TESPA1: variants seen among roughly 807,000 people sequenced by gnomAD.
TESPA1 encodes the protein thymocyte expressed, positive selection associated 1.
TESPA1 carries 33 observed loss-of-function variants against 57.9 expected under a neutral mutation model. That is an observed-to-expected ratio of 0.57 (90% CI 0.43 to 0.76). The LOEUF (loss-of-function observed/expected upper bound fraction) is 0.76, where lower values mean the gene tolerates loss of function less well. TESPA1 is among the 30% of genes least tolerant of loss of function. The pLI, the probability that TESPA1 is intolerant of heterozygous loss-of-function variation, is 0.00. For synonymous variants in TESPA1, 227 were observed against 228.9 expected (o/e 0.99, Z 0.07); for missense variants, 618 against 632.9 (o/e 0.98, Z 0.25).
intron 1 of TESPA1, among the ~76,000 whole-genome samples, chr12:54,983,396 C>T (rs556613051): frequency 3.0e-4 from 46 of 152,246 alleles, no homozygotes; most frequent in South Asian, 1.2e-3. Context: ...CCTGACTTCC[C>T]TTCTTCCTAC....
At chr12:54,975,259 A>C (rs1952084607) in intron 1 of TESPA1, among the ~76,000 whole-genome samples, 1 of 152,144 alleles carries the variant, frequency 6.6e-6, no homozygotes. Flanking sequence ...GCCTTAAGCA[A>C]TTAGCAGCCA....
At chr12:54,962,284 A>T in intron 9 of TESPA1, 147 bp downstream of exon 9, 1 of 993,018 alleles carries the variant, frequency 1.0e-6, no homozygotes, top group Non-Finnish European at 1.5e-6. Context: ...CTGTATATTA[A>T]CCCTGAATTG....
At chr12:54,950,470 C>T in intron 10 of TESPA1, 80 bp from the exon 11 acceptor site, 1 of 375,822 alleles carries the variant, frequency 2.7e-6, no homozygotes, top group East Asian at 7.3e-5. Flanking sequence ...AACTTTCATA[C>T]CTCAGCTGTG....
chr12:54,969,788 A>G (rs1016181751), intron 3 of TESPA1, among the ~76,000 whole-genome samples: 1 of 152,220 alleles, frequency 6.6e-6, no homozygotes, highest in Admixed American at 6.5e-5. Context: ...GTTACAAGTC[A>G]GGGTATTTGT....
intron 10 of TESPA1, among the ~76,000 whole-genome samples, chr12:54,954,301 C>T (rs866744444): frequency 2.3e-4 from 35 of 152,176 alleles, no homozygotes; most frequent in African/African-American, 7.7e-4. Flanking sequence ...TGAGCCCATT[C>T]AAGTATAAAA....
intron 1 of TESPA1, among the ~76,000 whole-genome samples, chr12:54,982,465 C>A (rs550552433): frequency 6.6e-6 from 1 of 152,202 alleles, no homozygotes; most frequent in Admixed American, 6.5e-5. Context: ...TGAAAGAAGA[C>A]CATCTAAGAC....
At position 54,962,738 on chromosome 12, in the gene TESPA1, T is replaced by G. The variant is rs768297467; in HGVS notation, c.1160A>C (p.Lys387Thr). ...APSQTLDSNP[K>T]VPCCTHSLPI... ...CAGAGAATGTGTGCAACAGGGTACC[T>G]TGGGGTTCGAATCCAGAGTTTGGGA... The change falls in exon 9 of 11, where the codon AAG becomes ACG. Residue 387 changes from lysine (K) to threonine (T), a missense_variant. By Grantham distance (78) the Lys-to-Thr change is moderately conservative. Around this residue, in one of 3 missense-constraint regions of TESPA1, gnomAD observed 409 missense variants for 420.1 expected, o/e 0.97. Coordinates refer to ENST00000449076, the MANE Select transcript of TESPA1 (RefSeq NM_001136030.3). 5.0e-6 allele frequency: 8 copies of G among 1,613,806 alleles called. No homozygotes were observed. In the African/African-American group the frequency reaches 1.1e-4, roughly 22 times the overall value.
At chr12:54,954,547 T>TTGA (rs1950616080) in intron 10 of TESPA1, among the ~76,000 whole-genome samples, 1 of 152,192 alleles carries the variant, frequency 6.6e-6, no homozygotes, top group African/African-American at 2.4e-5. Context: ...ACATCAGGTG[T>TTGA]CAACATTCAC....
At chr12:54,974,309 C>G in intron 2 of TESPA1, 91 bp downstream of exon 2, 1 of 1,229,512 alleles carries the variant, frequency 8.1e-7, no homozygotes, top group Non-Finnish European at 1.1e-6. Context: ...CCTGGCTAAA[C>G]AAGGAACCTG....
intron 1 of TESPA1, among the ~76,000 whole-genome samples, chr12:54,979,582 G>C (rs1355153046): frequency 6.6e-6 from 1 of 152,192 alleles, no homozygotes; most frequent in East Asian, 1.9e-4. Flanking sequence ...AGTGGAGTAA[G>C]ATATAATTCT....
At chr12:54,972,023 T>C (rs950136019) in intron 3 of TESPA1, among the ~76,000 whole-genome samples, 1 of 152,208 alleles carries the variant, frequency 6.6e-6, no homozygotes, top group African/African-American at 2.4e-5. Context: ...ACCCTTAGAC[T>C]GTATTATTTT....
chr12:54,981,519 A>G (rs535472652), intron 1 of TESPA1, among the ~76,000 whole-genome samples: 13 of 152,134 alleles, frequency 8.5e-5, no homozygotes, highest in African/African-American at 3.1e-4. Flanking sequence ...ATGTATACAT[A>G]TGTAACAAAC....
intron 10 of TESPA1, 88 bp downstream of exon 10, chr12:54,961,080 T>A: frequency 6.9e-7 from 1 of 1,458,428 alleles, no homozygotes. Context: ...GTGGGACCCT[T>A]TATTATGGGT....
intron 10 of TESPA1, among the ~76,000 whole-genome samples, chr12:54,953,029 C>T (rs1329350664): frequency 1.3e-5 from 2 of 151,962 alleles, no homozygotes; most frequent in Non-Finnish European, 2.9e-5. Flanking sequence ...CCTCTATTCC[C>T]ACTGCCTTCA....
intron 3 of TESPA1, among the ~76,000 whole-genome samples, chr12:54,969,358 C>T (rs1211817907): frequency 2.0e-5 from 3 of 151,846 alleles, no homozygotes; most frequent in Non-Finnish European, 2.9e-5. Context: ...AGCATGATAG[C>T]TAATATAGTC....
intron 7 of TESPA1, among the ~76,000 whole-genome samples, chr12:54,965,543 G>A (rs967347105): frequency 1.3e-5 from 2 of 152,174 alleles, no homozygotes; most frequent in South Asian, 4.1e-4. Flanking sequence ...TTTAATGGCT[G>A]CCTAGTATTC....
chr12:54,963,964 G>A lies in TESPA1; in HGVS notation c.447-14C>T, dbSNP rs764661000. ...ATTTCTGAGATGCTGAAATGAGGGA[G>A]TTTGGGTAAATAAGGGACAACTTTG... On this transcript the variant is annotated splice_polypyrimidine_tract_variant and intron_variant, in intron 7 of 10. Coordinates refer to ENST00000449076, the MANE Select transcript of TESPA1 (RefSeq NM_001136030.3). 1.9e-6 allele frequency: 3 copies of A among 1,610,172 alleles called. No individual in the cohort carries two copies. The highest frequency in any genetic ancestry group is 2.2e-5 in the South Asian group (2 of 91,016).
chr12:54,974,644 T>C, intron 1 of TESPA1, 37 bp from the exon 2 acceptor site: 2 of 1,372,294 alleles, frequency 1.5e-6, no homozygotes, highest in Non-Finnish European at 1.9e-6. Context: ...CCTCATCATA[T>C]GCTCAGAAAC....
intron 1 of TESPA1, chr12:54,981,974 A>G (rs1280971172): frequency 6.6e-6 from 1 of 152,444 alleles, no homozygotes; most frequent in African/African-American, 2.4e-5. Context: ...AGTGAGAACC[A>G]GTGTGGGAGG....
Sources: gnomAD v4.1 joint callset for allele counts (sites outside exome capture counted in the v4.1 genomes callset) on GRCh38, gnomAD v4.1.1 for gene constraint, gnomAD v4.1.1 regional missense constraint, MANE v1.5 for transcripts, NCBI Gene and HGNC (gene_info 2026-07-23, HGNC 2026-07-21) for gene names.